NFATC2: variants seen among roughly 807,000 people sequenced by gnomAD.
NFATC2 encodes the protein nuclear factor of activated T cells 2.
NFATC2 carries 22 observed loss-of-function variants against 87.3 expected under a neutral mutation model. The observed-to-expected ratio is 0.25, with a 90% CI of 0.18 to 0.36. The LOEUF is 0.36. Among genes scored for constraint, NFATC2 ranks in the 10% least tolerant of loss-of-function variants. The probability of loss-of-function intolerance (pLI) is 1.00; values close to 1 mark genes in which losing one functional copy is unlikely to be tolerated. For synonymous variants in NFATC2, 565 were observed against 542.2 expected (o/e 1.04, Z -0.58); for missense variants, 1,149 against 1,259.1 (o/e 0.91, Z 1.32).
At chr20:51,519,344 T>C (rs1028067706) in intron 2 of NFATC2, among the ~76,000 whole-genome samples, 2 of 151,596 alleles carry the variant, frequency 1.3e-5, no homozygotes, top group African/African-American at 2.4e-5. Context: ...TCTGAAGAAG[T>C]AGAGCATGCC....
chr20:51,451,890 A>C (rs1052279847), intron 6 of NFATC2, among the ~76,000 whole-genome samples: 1 of 152,226 alleles, frequency 6.6e-6, no homozygotes. Flanking sequence ...CAGTGATTCT[A>C]CATGATGGTG....
chr20:51,469,504 A>G (rs1323778239), intron 5 of NFATC2, among the ~76,000 whole-genome samples: 1 of 152,124 alleles, frequency 6.6e-6, no homozygotes, highest in Non-Finnish European at 1.5e-5. Flanking sequence ...AGTGGGTTAC[A>G]CATAGTACCC....
chr20:51,488,080 T>C (rs1600851405), intron 3 of NFATC2, among the ~76,000 whole-genome samples: 2 of 152,028 alleles, frequency 1.3e-5, no homozygotes, highest in Non-Finnish European at 2.9e-5. Flanking sequence ...TCCATAAACA[T>C]GATGGAAGCC....
chr20:51,525,193 C>G lies in NFATC2; in HGVS notation c.131-1083G>C, dbSNP rs971564956. 6.6e-5 allele frequency among the ~76,000 whole-genome samples: 10 copies of G among 152,176 alleles called. 1 individual carries two copies. In the South Asian group the frequency reaches 1.5e-3, roughly 22 times the overall value. On this transcript the variant is annotated intron_variant, in intron 1 of 10. Coordinates refer to ENST00000371564, the MANE Select transcript of NFATC2 (RefSeq NM_012340.5). ...CAAGACTGTGCCACTGCATGCCGGC[C>G]TGGGTGATAGAGTGAGACTCTGTCT...
intron 9 of NFATC2, among the ~76,000 whole-genome samples, chr20:51,402,508 T>C (rs912745723): frequency 2.1e-4 from 31 of 149,730 alleles, no homozygotes; most frequent in African/African-American, 7.3e-4. Context: ...GAAAAGCACT[T>C]GTTACTATAT....
chr20:51,543,092 A>G (rs2076852516), upstream of NFATC2, among the ~76,000 whole-genome samples: 2 of 151,974 alleles, frequency 1.3e-5, 1 homozygote, highest in South Asian at 4.1e-4. Context: ...ACCCCCTTCT[A>G]TTGCAGACCC....
rs958555728 is a variant in NFATC2 at position 51,399,035 on chromosome 20, T to C, written c.2723-305A>G. On this transcript the variant is annotated intron_variant, in intron 9 of 10. Transcript: ENST00000371564. ...TGTGGGTATGTGATGGGGTTTCAAA[T>C]CATGGCCAACTACAAAGAGAAAATT... 6 of 261,506 alleles carry C rather than the reference T, an allele frequency of 2.3e-5. No individual in the cohort carries two copies. The Admixed American group carries it at 2.9e-4, about 13-fold the overall frequency. The allele number at this position is 261,506 out of a possible 1,614,324, so 16.2% of individuals were successfully genotyped here.
At chr20:51,539,555 C>T (rs1302252408) in intron 1 of NFATC2, among the ~76,000 whole-genome samples, 1 of 152,128 alleles carries the variant, frequency 6.6e-6, no homozygotes, top group African/African-American at 2.4e-5. Flanking sequence ...ACGATCACGG[C>T]TCAGGGCAGC....
At chr20:51,501,799 T>C (rs1298507184) in intron 3 of NFATC2, among the ~76,000 whole-genome samples, 1 of 152,244 alleles carries the variant, frequency 6.6e-6, no homozygotes, top group African/African-American at 2.4e-5. Context: ...TTCATTACTC[T>C]ATCTCCATCT....
At chr20:51,556,910 T>C (rs1568761954) in intron 1 of NFATC2, among the ~76,000 whole-genome samples, 1 of 152,086 alleles carries the variant, frequency 6.6e-6, no homozygotes, top group East Asian at 1.9e-4. Flanking sequence ...CTAGGAGTCA[T>C]TGCGTGGTGC....
chr20:51,480,008 C>T lies in NFATC2; in HGVS notation c.1333-4348G>A, dbSNP rs533677348. ...AACATCAAGAATGTGCTTCCTGGGG[C>T]CAGGCGCGGTGGCTCGTGCCTGTAA... On this transcript the variant is annotated intron_variant, in intron 3 of 10. Transcript: ENST00000371564. The surrounding 1 kb of genome is among the most constrained non-coding windows in gnomAD (Gnocchi z 4.2). Among the ~76,000 whole-genome samples the T allele has an allele frequency of 1.2e-4, 18 of 152,294 alleles. No individual in the cohort carries two copies. The South Asian group carries it at 3.3e-3, about 28-fold the overall frequency.
Position 51,399,491 on chromosome 20 carries a change from A to AC in NFATC2, c.2723-762dup, listed in dbSNP as rs1292586722. ...CAGCGTTATTAGAAATGTCAAGTAAACTAGGATGCTTTTTCAAATAGAGGC... is the reference window on the plus strand; with the variant it reads ...CAGCGTTATTAGAAATGTCAAGTAAACCTAGGATGCTTTTTCAAATAGAGGC... On this transcript the variant is annotated intron_variant, in intron 9 of 10. Coordinates refer to ENST00000371564, the MANE Select transcript of NFATC2 (RefSeq NM_012340.5). 4.0e-5 allele frequency among the ~76,000 whole-genome samples: 6 copies of AC among 151,216 alleles called. No homozygotes were observed. In the East Asian group the frequency reaches 9.6e-4, roughly 24 times the overall value.
At chr20:51,421,363 G>A (rs1327882925) in intron 9 of NFATC2, among the ~76,000 whole-genome samples, 8 of 152,220 alleles carry the variant, frequency 5.3e-5, no homozygotes, top group South Asian at 2.1e-4. Flanking sequence ...GGCCCCGGCC[G>A]GATGCAGGTC....
Position 51,559,767 on chromosome 20 carries a change from A to C in NFATC2, c.70+2793T>G, listed in dbSNP as rs928010979. Among the ~76,000 whole-genome samples, 40 of 152,238 alleles carry C rather than the reference A, an allele frequency of 2.6e-4. 1 individual carries two copies. Among genetic ancestry groups the C allele is most frequent in the Non-Finnish European group, 5.0e-4 (34 of 68,054 alleles). On this transcript the variant is annotated intron_variant, in intron 1 of 10. Transcript: ENST00000414705. Reference sequence around the variant, plus strand: ...CCAGTCACTGTGCTCCTTATCTGCTATGTGACCTTGGGCAAAGCCGGGTCT... The same window carrying C: ...CCAGTCACTGTGCTCCTTATCTGCTCTGTGACCTTGGGCAAAGCCGGGTCT...
intron 3 of NFATC2, among the ~76,000 whole-genome samples, chr20:51,500,152 T>C (rs946847016): frequency 2.0e-5 from 3 of 152,158 alleles, no homozygotes; most frequent in East Asian, 1.9e-4. Flanking sequence ...GTCTGGCACG[T>C]AGGAATCCCT....
chr20:51,525,127 C>G (rs997944626), intron 1 of NFATC2, among the ~76,000 whole-genome samples: 1 of 152,062 alleles, frequency 6.6e-6, no homozygotes, highest in Non-Finnish European at 1.5e-5. Flanking sequence ...GGCTGAGGCA[C>G]AAGAATCGCT....
At chr20:51,551,547 C>G (rs1190283347) in intron 1 of NFATC2, among the ~76,000 whole-genome samples, 1 of 151,498 alleles carries the variant, frequency 6.6e-6, no homozygotes, top group East Asian at 1.9e-4. Context: ...GGGCTACAGG[C>G]TCCTGCCACC....
chr20:51,520,747 G>A (rs1200523665), intron 2 of NFATC2, among the ~76,000 whole-genome samples: 4 of 151,704 alleles, frequency 2.6e-5, no homozygotes, highest in East Asian at 1.9e-4. Context: ...TGCAACCTCC[G>A]CCTCCTGGGT....
At chr20:51,489,165 G>C (rs147705953) in intron 3 of NFATC2, among the ~76,000 whole-genome samples, 2,082 of 152,352 alleles carry the variant, frequency 0.014, 32 homozygotes, top group Non-Finnish European at 0.018. Flanking sequence ...ACTGTAGCCT[G>C]GGCAACAGAG....
Sources: gnomAD v4.1 joint callset for allele counts (sites outside exome capture counted in the v4.1 genomes callset) on GRCh38, gnomAD v4.1.1 for gene constraint, Gnocchi (gnomAD v3.1) non-coding constraint, MANE v1.5 for transcripts, NCBI Gene and HGNC (gene_info 2026-07-23, HGNC 2026-07-21) for gene names.